LRRC49: variants seen among roughly 807,000 people sequenced by gnomAD.
LRRC49 encodes the protein leucine rich repeat containing 49.
In LRRC49, 50 loss-of-function variants were observed where a neutral mutation model predicts 83.3. The ratio of observed to expected loss-of-function variants is 0.60; its 90% confidence interval spans 0.48 to 0.76. The LOEUF (loss-of-function observed/expected upper bound fraction) is 0.76. LRRC49 is among the 30% of genes least tolerant of loss of function. The pLI, the probability that LRRC49 is intolerant of heterozygous loss-of-function variation, is 0.00. For missense variants in LRRC49, 704 were observed against 809.1 expected, an observed-to-expected ratio of 0.87 and a Z score of 1.58; for synonymous variants, 286 against 283.3, an observed-to-expected ratio of 1.01 and a Z score of -0.10.
At chr15:70,968,517 C>A (rs1463925408) in intron 9 of LRRC49, among the ~76,000 whole-genome samples, 1 of 152,130 alleles carries the variant, frequency 6.6e-6, no homozygotes, top group Non-Finnish European at 1.5e-5. Flanking sequence ...ATTGCTGGGT[C>A]AAATGGTATT....
At chr15:70,984,916 G>C (rs1330079220) in intron 11 of LRRC49, among the ~76,000 whole-genome samples, 1 of 150,604 alleles carries the variant, frequency 6.6e-6, no homozygotes, top group Non-Finnish European at 1.5e-5. Flanking sequence ...TACTGAGAAT[G>C]ATGATTTCCA....
rs1010330242 is a variant in LRRC49, at chr15:70,987,905, A to T, written c.1169+3648A>T. On this transcript the variant is annotated intron_variant, in intron 11 of 15. Transcript: ENST00000260382. ...CATTTTGTTATGTACCTAGTAGTCA[A>T]TCAGGAGCAGGTTGTTCAGTTTCCA... Among the ~76,000 whole-genome samples the T allele has an allele frequency of 3.6e-3, 541 of 152,114 alleles. 4 individuals are homozygous for T. Among genetic ancestry groups the T allele is most frequent in the Middle Eastern group, 0.014 (4 of 294 alleles).
At position 70,984,123 on chromosome 15, in the gene LRRC49, A is replaced by T. The variant is rs1396617507; in HGVS notation, c.1035A>T (p.Val345=). ...KEKKRLTINN[V]ARQWDLQQQR... Reference sequence around the variant, plus strand: ...AGAAAAGGTTAACAATTAACAACGTAGCTCGACAGTGGGACTTGCAACAAC... The same window carrying T: ...AGAAAAGGTTAACAATTAACAACGTTGCTCGACAGTGGGACTTGCAACAAC... The change falls in exon 11 of 16, where the codon GTA becomes GTT. Residue 345 remains valine (V), a synonymous_variant. Transcript: ENST00000260382. 10 of 1,607,242 alleles carry T rather than the reference A, an allele frequency of 6.2e-6. No individual in the cohort carries two copies. Among genetic ancestry groups the T allele is most frequent in the Non-Finnish European group, 7.6e-6 (9 of 1,177,512 alleles).
chr15:70,992,221 C>A (rs961337215), intron 11 of LRRC49, among the ~76,000 whole-genome samples: 2 of 152,188 alleles, frequency 1.3e-5, no homozygotes, highest in African/African-American at 4.8e-5. Context: ...CTAATCTTTT[C>A]TCAAGGTTTT....
chr15:70,914,496 G>A (rs2034680089), intron 6 of LRRC49, among the ~76,000 whole-genome samples: 1 of 152,108 alleles, frequency 6.6e-6, no homozygotes, highest in African/African-American at 2.4e-5. Flanking sequence ...AAACAGTTGG[G>A]AGAAACTAAT....
intron 14 of LRRC49, among the ~76,000 whole-genome samples, chr15:71,017,553 A>G (rs2038865170): frequency 6.6e-6 from 1 of 152,176 alleles, no homozygotes; most frequent in African/African-American, 2.4e-5. Flanking sequence ...AAAAAAGGCA[A>G]AGCATATAAA....
Position 71,009,974 on chromosome 15 carries a change from GA to G in LRRC49, c.1579del (p.Ile527Ter), listed in dbSNP as rs2038596985. 1 of 1,594,746 alleles carries G rather than the reference GA, an allele frequency of 6.3e-7. No individual in the cohort carries two copies. Among genetic ancestry groups the G allele is most frequent in the African/African-American group, 1.3e-5 (1 of 74,302 alleles). The stretch of plus-strand genomic sequence containing the variant: ...TTAGGCTAAGCCATTTCAGTATGCA[GA>G]AAATAAATGGAACAGAGGTAAGCTA... ...LFRLSHFSMQKINGTEVTQND... is the reference protein window; with the variant it reads ...LFRLSHFSMQXINGTEVTQND... On this transcript the variant is annotated frameshift_variant, in exon 13 of 16. Transcript: ENST00000260382. LOFTEE classifies it high-confidence loss of function.
intron 11 of LRRC49, chr15:70,984,460 A>G (rs1190685053): frequency 1.2e-5 from 5 of 429,306 alleles, no homozygotes; most frequent in African/African-American, 8.1e-5. Flanking sequence ...AGGGCATTTC[A>G]TATTTTTTAT....
chr15:71,013,887 G>A (rs1436092846), intron 14 of LRRC49, among the ~76,000 whole-genome samples: 2 of 152,160 alleles, frequency 1.3e-5, no homozygotes, highest in Admixed American at 6.6e-5. Context: ...ACAGGAGACT[G>A]TTGTCCCAGC....
intron 14 of LRRC49, among the ~76,000 whole-genome samples, chr15:71,019,420 C>T (rs1331860449): frequency 6.6e-6 from 1 of 152,140 alleles, no homozygotes; most frequent in East Asian, 1.9e-4. Flanking sequence ...TGGACAAAGA[C>T]CAAATGTATA....
intron 1 of LRRC49, among the ~76,000 whole-genome samples, chr15:70,855,166 T>C (rs1303948654): frequency 6.6e-6 from 1 of 151,712 alleles, no homozygotes; most frequent in Non-Finnish European, 1.5e-5. Flanking sequence ...ACCCTGTCTT[T>C]ACTAAAAAAA....
chr15:70,865,953 A>C (rs113256850), intron 1 of LRRC49, among the ~76,000 whole-genome samples: 6 of 152,168 alleles, frequency 3.9e-5, no homozygotes, highest in Non-Finnish European at 8.8e-5. Flanking sequence ...AAGTAGGTTC[A>C]TAGCATCCTG....
chr15:70,937,969 T>G (rs1037325327), intron 8 of LRRC49, among the ~76,000 whole-genome samples: 2 of 152,076 alleles, frequency 1.3e-5, no homozygotes, highest in African/African-American at 4.8e-5. Context: ...TTAGGGGAAT[T>G]TCCTCCTAAA....
chr15:70,991,214 T>C (rs188474135), intron 11 of LRRC49, among the ~76,000 whole-genome samples: 1 of 152,344 alleles, frequency 6.6e-6, no homozygotes, highest in South Asian at 2.1e-4. Context: ...TGAGCAATGC[T>C]GAATGCATTA....
intron 9 of LRRC49, among the ~76,000 whole-genome samples, chr15:70,971,034 T>C (rs768138025): frequency 2.0e-5 from 3 of 151,050 alleles, no homozygotes; most frequent in African/African-American, 5.0e-5. Flanking sequence ...ACCTTTTGAA[T>C]TTGTTTGCTC....
rs568495277 is a variant in LRRC49 at position 71,032,417 on chromosome 15, C to T, written c.1704-4762C>T. On this transcript the variant is annotated intron_variant, in intron 14 of 15. Transcript: ENST00000260382. ...TGGGAGCTGCAGACTGGAGCTGTTC[C>T]TATTCTGCCCTCTTGGTTCCTTCTA... Among the ~76,000 whole-genome samples, 8 of 152,110 alleles carry T rather than the reference C, an allele frequency of 5.3e-5. No homozygotes were observed. In the East Asian group the frequency reaches 1.6e-3, roughly 29 times the overall value.
At chr15:70,892,405 C>G (rs1216450622), upstream of LRRC49, 2 of 1,541,016 alleles carry the variant, frequency 1.3e-6, no homozygotes, top group African/African-American at 1.4e-5. Flanking sequence ...GTTTCCTTCC[C>G]TACCTCTGGT....
intron 3 of LRRC49, among the ~76,000 whole-genome samples, chr15:70,899,146 A>C (rs1300080415): frequency 6.6e-6 from 1 of 152,186 alleles, no homozygotes; most frequent in Non-Finnish European, 1.5e-5. Flanking sequence ...ACTGAGTGTA[A>C]ATTTAATCTT....
chr15:70,992,067 C>T (rs1019876780), intron 11 of LRRC49, among the ~76,000 whole-genome samples: 4 of 152,186 alleles, frequency 2.6e-5, no homozygotes, highest in Non-Finnish European at 2.9e-5. Flanking sequence ...AATAAAAATT[C>T]AATCACTGAT....
Sources: gnomAD v4.1 joint callset for allele counts (sites outside exome capture counted in the v4.1 genomes callset) on GRCh38, gnomAD v4.1.1 for gene constraint, MANE v1.5 for transcripts, NCBI Gene and HGNC (gene_info 2026-07-23, HGNC 2026-07-21) for gene names.